The following GLIS3 variants were observed in gnomAD, a reference collection of about 807,000 sequenced individuals.
GLIS3 encodes GLIS family zinc finger 3, also known as zinc finger protein GLIS3.
Under a neutral mutation model 78.6 loss-of-function variants are expected in GLIS3, and 53 were observed. That is an observed-to-expected ratio of 0.67 (90% CI 0.54 to 0.85). GLIS3 has a LOEUF of 0.85. Ranked by LOEUF, GLIS3 falls within the 40% of genes least tolerant of loss-of-function variation. The pLI is 0.00. For synonymous variants in GLIS3, 684 were observed against 509.9 expected, an observed-to-expected ratio of 1.34 and a Z score of -4.60; for missense variants, 1,703 against 1,231.1, an observed-to-expected ratio of 1.38 and a Z score of -5.74.
chr9:4,459,071 T>C, the GLIS3 span, among the ~76,000 whole-genome samples: 2 of 152,076 alleles, frequency 1.3e-5, no homozygotes, highest in Non-Finnish European at 2.9e-5. Context: ...AGAAACATGA[T>C]CTGATTTATG....
chr9:4,343,053 T>C (rs778183581), intron 2 of GLIS3, among the ~76,000 whole-genome samples: 18 of 152,152 alleles, frequency 1.2e-4, no homozygotes, highest in African/African-American at 4.3e-4. Context: ...AAAACCACAG[T>C]GAGGCCCAGG....
chr9:4,384,560 A>G, the GLIS3 span, among the ~76,000 whole-genome samples: 2 of 148,598 alleles, frequency 1.3e-5, no homozygotes, highest in African/African-American at 4.9e-5. Flanking sequence ...TATATATAAA[A>G]CCTCTTTCCT....
intron 2 of GLIS3, chr9:4,147,627 G>A (rs1026381565): frequency 1.3e-5 from 2 of 151,850 alleles, no homozygotes; most frequent in African/African-American, 4.8e-5. Context: ...GTGCAGAGAG[G>A]AAAGCATCTG....
At chr9:3,983,642 G>A (rs912701675) in intron 4 of GLIS3, among the ~76,000 whole-genome samples, 1 of 152,188 alleles carries the variant, frequency 6.6e-6, no homozygotes, top group African/African-American at 2.4e-5. Context: ...TTGGGAACTG[G>A]AACAAAGGTG....
At chr9:3,927,738 T>A (rs572491) in intron 6 of GLIS3, among the ~76,000 whole-genome samples, 83,647 of 152,060 alleles carry the variant, frequency 0.55, 23,133 homozygotes, top group East Asian at 0.61. Flanking sequence ...TACCTCTTTT[T>A]AAATGGCTCC....
At chr9:4,342,885 G>T (rs1817854877) in intron 2 of GLIS3, among the ~76,000 whole-genome samples, 1 of 152,034 alleles carries the variant, frequency 6.6e-6, no homozygotes, top group Admixed American at 6.5e-5. Flanking sequence ...TTCTTGATTT[G>T]GCTCTCAGCT....
chr9:4,297,646 C>A (rs1418313907), intron 1 of GLIS3, among the ~76,000 whole-genome samples: 2 of 152,160 alleles, frequency 1.3e-5, no homozygotes, highest in African/African-American at 2.4e-5. Flanking sequence ...CTCTACGGAC[C>A]CTACTCCCTG....
chr9:3,965,318 C>A (rs1453970426), intron 4 of GLIS3, among the ~76,000 whole-genome samples: 1 of 151,166 alleles, frequency 6.6e-6, no homozygotes, highest in African/African-American at 2.4e-5. Flanking sequence ...CTCAGCCTCC[C>A]GAATAGCTGG....
At chr9:3,982,446 C>T (rs1472500345) in intron 4 of GLIS3, among the ~76,000 whole-genome samples, 1 of 152,162 alleles carries the variant, frequency 6.6e-6, no homozygotes, top group Non-Finnish European at 1.5e-5. Context: ...TTGTAAAGAT[C>T]AAAGTTTTGC....
rs561655488 is a variant in GLIS3 at position 4,289,999 on chromosome 9, C to T, written c.-98-3476G>A. Among the ~76,000 whole-genome samples, 6 of 152,064 alleles carry T rather than the reference C, an allele frequency of 3.9e-5. No individual in the cohort carries two copies. In the East Asian group the frequency reaches 1.2e-3, roughly 29 times the overall value. On this transcript the variant is annotated intron_variant, in intron 1 of 10. Transcript: ENST00000381971. ...ATAAAATCATGACTCTACCTTCTAC[C>T]CAAGGCTCCAGGCACTGCTCATCAT...
rs143207966 is a variant in GLIS3 at position 3,919,020 on chromosome 9, A to C, written c.1983+13340T>G. Among the ~76,000 whole-genome samples the C allele has an allele frequency of 1.8e-4, 28 of 152,326 alleles. 1 individual carries two copies. The highest frequency in any genetic ancestry group is 4.6e-4 in the African/African-American group (19 of 41,574). On this transcript the variant is annotated intron_variant, in intron 6 of 10. Transcript: ENST00000381971. ...GGAAGAGGGTGGGAAAGTGCCCTGA[A>C]GGATGGAATGGGGGACAGTGACCAT...
intron 4 of GLIS3, among the ~76,000 whole-genome samples, chr9:4,044,981 A>G (rs956348641): frequency 6.6e-6 from 1 of 152,186 alleles, no homozygotes; most frequent in African/African-American, 2.4e-5. Flanking sequence ...AGGACTCAGA[A>G]AGCTGTTTGG....
At position 4,338,965 on chromosome 9, in the gene GLIS3, G is replaced by T. The variant is rs370325395; in HGVS notation, n.264+8116C>A. ...CACAAGGACACAAAGCCTTCAAAATGAGACGGCTTTATGTGTTACAGGCTT... is the reference window on the plus strand; with the variant it reads ...CACAAGGACACAAAGCCTTCAAAATTAGACGGCTTTATGTGTTACAGGCTT... On this transcript the variant is annotated intron_variant and non_coding_transcript_variant, in intron 2 of 4. Coordinates refer to the GLIS3 transcript ENST00000471664. Among the ~76,000 whole-genome samples the T allele has an allele frequency of 7.2e-5, 11 of 152,294 alleles. No homozygotes were observed. In the East Asian group the frequency reaches 1.7e-3, roughly 24 times the overall value.
chr9:4,107,830 C>T (rs1830888877), intron 4 of GLIS3, among the ~76,000 whole-genome samples: 1 of 150,742 alleles, frequency 6.6e-6, no homozygotes, highest in Admixed American at 6.6e-5. Context: ...CCTATGAATT[C>T]ACTCAAAACC....
intron 4 of GLIS3, among the ~76,000 whole-genome samples, chr9:3,962,625 G>C (rs531671646): frequency 6.6e-6 from 1 of 152,112 alleles, no homozygotes; most frequent in Non-Finnish European, 1.5e-5. Context: ...ATGCCTTTGA[G>C]CAGTTTTTTG....
At chr9:4,248,317 T>G (rs1824004546) in intron 2 of GLIS3, among the ~76,000 whole-genome samples, 1 of 152,110 alleles carries the variant, frequency 6.6e-6, no homozygotes, top group African/African-American at 2.4e-5. Context: ...CAACTCCCAC[T>G]TAGGAGTGAC....
In GLIS3 at chr9:3,988,299, G is replaced by A. The variant is rs77753867; in HGVS notation, c.1711-51110C>T. On this transcript the variant is annotated intron_variant, in intron 4 of 10. Coordinates refer to ENST00000381971, the MANE Select transcript of GLIS3 (RefSeq NM_001042413.2). ...CTAAAGAAAGATCTTCCAACAGAAA[G>A]GAAATGATAAAAGAAGGAATCCTGG... Among the ~76,000 whole-genome samples, 30 of 152,172 alleles carry A rather than the reference G, an allele frequency of 2.0e-4. 1 individual carries two copies. In the East Asian group the frequency reaches 5.6e-3, roughly 28 times the overall value.
At chr9:4,424,850 G>A in the GLIS3 span, among the ~76,000 whole-genome samples, 2 of 151,764 alleles carry the variant, frequency 1.3e-5, no homozygotes, top group African/African-American at 2.4e-5. Flanking sequence ...GTGAGCCACT[G>A]TGCCCAGCCC....
intron 4 of GLIS3, among the ~76,000 whole-genome samples, chr9:4,086,807 T>C (rs1829066985): frequency 6.6e-6 from 1 of 152,226 alleles, no homozygotes; most frequent in Non-Finnish European, 1.5e-5. Flanking sequence ...TGAACTTGAA[T>C]AACCCCTGTG....
Sources: gnomAD v4.1 joint callset for allele counts (sites outside exome capture counted in the v4.1 genomes callset) on GRCh38, gnomAD v4.1.1 for gene constraint, MANE v1.5 for transcripts, NCBI Gene and HGNC (gene_info 2026-07-23, HGNC 2026-07-21) for gene names.